The following SULT1C3 variants were observed in gnomAD, a reference collection of about 807,000 sequenced individuals.
The protein encoded by SULT1C3 is sulfotransferase family 1C member 3.
SULT1C3 carries 31 observed loss-of-function variants against 28.4 expected under a neutral mutation model. The ratio of observed to expected loss-of-function variants is 1.09; its 90% CI spans 0.82 to 1.47. The LOEUF (loss-of-function observed/expected upper bound fraction) is 1.47. SULT1C3 is among the 40% of genes most tolerant of loss of function. The probability of loss-of-function intolerance (pLI) is 0.00; values close to 1 mark genes in which losing one functional copy is unlikely to be tolerated. For synonymous variants in SULT1C3, 106 were observed against 92.2 expected, an observed-to-expected ratio of 1.15 and a Z score of -0.86; for missense variants, 307 against 272.5, an observed-to-expected ratio of 1.13 and a Z score of -0.89.
At chr2:108,248,785 C>T (rs1378924316) in intron 2 of SULT1C3, among the ~76,000 whole-genome samples, 1 of 152,054 alleles carries the variant, frequency 6.6e-6, no homozygotes, top group Non-Finnish European at 1.5e-5. Flanking sequence ...ATTACATCTG[C>T]CGTTATTTCA....
chr2:108,264,828 C>T (rs1048420891), downstream of SULT1C3: 6 of 1,606,226 alleles, frequency 3.7e-6, no homozygotes, highest in Non-Finnish European at 5.1e-6. Flanking sequence ...CATACAGGAC[C>T]CAAAGCGGGA....
chr2:108,242,028 T>C (rs1031094431), intron 1 of SULT1C3, among the ~76,000 whole-genome samples: 7 of 152,126 alleles, frequency 4.6e-5, no homozygotes, highest in Middle Eastern at 3.4e-3. Context: ...GCAAATAAAG[T>C]TTGACTTTTC....
intron 2 of SULT1C3, among the ~76,000 whole-genome samples, chr2:108,249,569 A>G (rs1382403298): frequency 1.3e-5 from 2 of 152,082 alleles, no homozygotes; most frequent in Non-Finnish European, 2.9e-5. Flanking sequence ...AACTTAACAA[A>G]GCTGTGCATG....
At chr2:108,253,226 C>T (rs1675777708) in intron 3 of SULT1C3, 119 bp from the exon 4 acceptor site, 2 of 534,694 alleles carry the variant, frequency 3.7e-6, no homozygotes, top group African/African-American at 2.0e-5. Context: ...TAAAAAATTA[C>T]TATTTCCAAT....
rs2104384226 is a variant in SULT1C3, at chr2:108,247,228, G to A, written c.34G>A (p.Glu12Lys). The A allele has an allele frequency of 6.5e-7, 1 of 1,543,028 alleles. No individual in the cohort carries two copies. The highest frequency in any genetic ancestry group is 8.8e-7 in the Non-Finnish European group (1 of 1,140,578). Residue 12 changes from glutamate (E) to lysine (K), a missense_variant, in exon 2 of 8, where the codon GAA (glutamate) becomes AAA (lysine). Physicochemically the swap from Glu to Lys is moderately conservative, Grantham distance 56 (BLOSUM62 1). Transcript: ENST00000681802. Reference protein sequence around the residue: ...AKIEKNAPTMEKKPELFNIME... With the variant: ...AKIEKNAPTMKKKPELFNIME... ...GATTGAGAAAAACGCTCCCACGATG[G>A]AAAAAAAGCCAGAACTGTTTAACAT...
chr2:108,253,952 C>T (rs1243159844), intron 4 of SULT1C3, among the ~76,000 whole-genome samples: 1 of 151,932 alleles, frequency 6.6e-6, no homozygotes, highest in Non-Finnish European at 1.5e-5. Context: ...TTCTTCCCAT[C>T]CTTCTAATCT....
chr2:108,241,066 A>T (rs934269942), intron 1 of SULT1C3, among the ~76,000 whole-genome samples: 10 of 152,244 alleles, frequency 6.6e-5, no homozygotes, highest in African/African-American at 2.4e-4. Flanking sequence ...ACATGGAGTT[A>T]GTTCCCAGAC....
At position 108,252,479 on chromosome 2, in the gene SULT1C3, A is replaced by G. The variant is rs1189697967; in HGVS notation, c.287A>G (p.His96Arg). The change falls in exon 3 of 8, where the codon CAT becomes CGT. Residue 96 changes from histidine (H) to arginine (R), a missense_variant. Coordinates refer to ENST00000681802, the MANE Select transcript of SULT1C3 (RefSeq NM_001320878.2). The part of the protein sequence containing the change: ...RHAFLELKFP[H>R]KEKPDLEFVL... ...GCTTTCCTTGAACTGAAATTTCCCCATAAAGAAAAACCAGGTGAGTAATAT... is the reference window on the plus strand; with the variant it reads ...GCTTTCCTTGAACTGAAATTTCCCCGTAAAGAAAAACCAGGTGAGTAATAT... 6 of 1,612,106 alleles carry G rather than the reference A, an allele frequency of 3.7e-6. No homozygotes were observed. Among genetic ancestry groups the G allele is most frequent in the Admixed American group, 1.7e-5 (1 of 59,814 alleles).
At chr2:108,241,809 C>A (rs974809539) in intron 1 of SULT1C3, among the ~76,000 whole-genome samples, 1 of 151,892 alleles carries the variant, frequency 6.6e-6, no homozygotes, top group East Asian at 1.9e-4. Flanking sequence ...TGCCTGTAGT[C>A]CCAGCTACTC....
downstream of SULT1C3, among the ~76,000 whole-genome samples, chr2:108,260,928 G>A (rs1676010357): frequency 6.6e-6 from 1 of 152,134 alleles, no homozygotes; most frequent in African/African-American, 2.4e-5. Context: ...TGTTTTTTAA[G>A]TACAGGTATG....
chr2:108,252,565 A>G (rs1675759127), intron 3 of SULT1C3, 72 bp downstream of exon 3: 1 of 1,549,016 alleles, frequency 6.5e-7, no homozygotes, highest in Admixed American at 1.9e-5. Context: ...TGTCTCTGAT[A>G]GAGCATCCGT....
chr2:108,261,561 G>A (rs939655877), downstream of SULT1C3, among the ~76,000 whole-genome samples: 1 of 152,080 alleles, frequency 6.6e-6, no homozygotes, highest in Admixed American at 6.6e-5. Flanking sequence ...TAGAAGAGAA[G>A]GTCCTGAGGG....
At chr2:108,249,985 A>T (rs536851194) in intron 2 of SULT1C3, among the ~76,000 whole-genome samples, 1 of 152,200 alleles carries the variant, frequency 6.6e-6, no homozygotes, top group East Asian at 1.9e-4. Flanking sequence ...GGAAGTATAG[A>T]TAGGAGAATA....
intron 5 of SULT1C3, among the ~76,000 whole-genome samples, chr2:108,257,303 A>G (rs1675889909): frequency 6.6e-6 from 1 of 152,018 alleles, no homozygotes; most frequent in Admixed American, 6.6e-5. Context: ...AGCATCCCCT[A>G]CAGATTTAAA....
chr2:108,258,047 C>T (rs559662995), intron 5 of SULT1C3, among the ~76,000 whole-genome samples: 34 of 152,186 alleles, frequency 2.2e-4, no homozygotes, highest in African/African-American at 7.9e-4. Flanking sequence ...ATCCTTCAGA[C>T]GAATCTTCAA....
intron 7 of SULT1C3, 69 bp from the exon 8 acceptor site, chr2:108,260,499 C>A (rs766726932): frequency 5.8e-5 from 25 of 430,490 alleles, no homozygotes; most frequent in South Asian, 1.7e-4. Flanking sequence ...GGCCTAGGAA[C>A]CATTCACTAT....
downstream of SULT1C3, chr2:108,264,789 A>G (rs1169726743): frequency 5.1e-6 from 8 of 1,573,498 alleles, no homozygotes; most frequent in Non-Finnish European, 6.9e-6. Flanking sequence ...GGGAAGACCC[A>G]ACATGATTTG....
intron 2 of SULT1C3, among the ~76,000 whole-genome samples, chr2:108,248,949 A>G (rs912738530): frequency 6.6e-6 from 1 of 152,156 alleles, no homozygotes; most frequent in Non-Finnish European, 1.5e-5. Flanking sequence ...AGTCTGAGAA[A>G]TTTAAAGTAT....
chr2:108,244,498 T>A (rs945033328), intron 1 of SULT1C3, among the ~76,000 whole-genome samples: 1 of 152,182 alleles, frequency 6.6e-6, no homozygotes, highest in Middle Eastern at 3.2e-3. Context: ...CCTTCCCTAT[T>A]TTTTTCTTTT....
Sources: gnomAD v4.1 joint callset for allele counts (sites outside exome capture counted in the v4.1 genomes callset) on GRCh38, gnomAD v4.1.1 for gene constraint, MANE v1.5 for transcripts, NCBI Gene and HGNC (gene_info 2026-07-23, HGNC 2026-07-21) for gene names.